The following TXNDC15 variants were observed in gnomAD, a reference collection of about 807,000 sequenced individuals.
TXNDC15 encodes the protein thioredoxin domain-containing protein 15.
A neutral mutation model predicts 35.0 loss-of-function variants in TXNDC15; 24 were observed. That is an observed-to-expected ratio of 0.68 (90% CI 0.50 to 0.96). The LOEUF (loss-of-function observed/expected upper bound fraction) is 0.96, where lower values mean the gene tolerates loss of function less well. Ranked by LOEUF, TXNDC15 falls within the 40% of genes least tolerant of loss-of-function variation. The pLI is 0.00. For synonymous variants in TXNDC15, 169 were observed against 174.0 expected, an observed-to-expected ratio of 0.97 and a Z score of 0.23; for missense variants, 385 against 453.3, an observed-to-expected ratio of 0.85 and a Z score of 1.37.
upstream of TXNDC15, chr5:134,874,210 T>A: frequency 3.8e-6 from 2 of 528,352 alleles, no homozygotes; most frequent in African/African-American, 2.0e-5. Context: ...ACCTGCAACG[T>A]CTGGCGCTTA....
intron 4 of TXNDC15, among the ~76,000 whole-genome samples, chr5:134,896,706 C>T (rs1340597535): frequency 4.7e-5 from 6 of 128,790 alleles, no homozygotes; most frequent in African/African-American, 1.2e-4. Flanking sequence ...TGCAGTGGTG[C>T]GATCTTGGCT....
intron 1 of TXNDC15, among the ~76,000 whole-genome samples, chr5:134,879,617 G>A (rs1322299539): frequency 2.6e-5 from 4 of 152,014 alleles, no homozygotes; most frequent in East Asian, 1.9e-4. Flanking sequence ...TAGAAATACC[G>A]CCAATGTGAT....
intron 1 of TXNDC15, among the ~76,000 whole-genome samples, chr5:134,881,195 A>ATTTATTTT (rs1750136459): frequency 1.5e-5 from 2 of 132,558 alleles, no homozygotes; most frequent in African/African-American, 5.7e-5. Flanking sequence ...TTATTTATTT[A>ATTTATTTT]TTTATTTTTT....
At chr5:134,898,937 C>T (rs1334151976) in intron 4 of TXNDC15, among the ~76,000 whole-genome samples, 1 of 152,036 alleles carries the variant, frequency 6.6e-6, no homozygotes, top group African/African-American at 2.4e-5. Context: ...ATTAGCCAGG[C>T]ATGGCGGTGT....
At chr5:134,896,226 A>T in intron 3 of TXNDC15, 68 bp from the exon 4 acceptor site, 2 of 1,531,934 alleles carry the variant, frequency 1.3e-6, no homozygotes, top group Non-Finnish European at 1.8e-6. Context: ...CTATTCTGAG[A>T]TGGTAATTGT....
At chr5:134,891,646 G>A (rs1033402109) in intron 2 of TXNDC15, among the ~76,000 whole-genome samples, 22 of 152,076 alleles carry the variant, frequency 1.4e-4, no homozygotes, top group African/African-American at 4.8e-4. Flanking sequence ...ATGAGCATTG[G>A]CCCTGTGGTT....
chr5:134,895,884 C>G (rs1391212503), intron 3 of TXNDC15: 1 of 182,730 alleles, frequency 5.5e-6, no homozygotes, highest in Non-Finnish European at 1.1e-5. Flanking sequence ...GCTTACCAAA[C>G]CAATTGCCTA....
chr5:134,896,532 CT>C, intron 4 of TXNDC15, 108 bp downstream of exon 4: 1 of 1,393,626 alleles, frequency 7.2e-7, no homozygotes. Context: ...TCAAGACTGA[CT>C]TTGAGTTGTA....
Position 134,896,393 on chromosome 5 carries a change from A to G in TXNDC15, c.855A>G (p.Glu285=). 1 of 1,613,698 alleles carries G rather than the reference A, an allele frequency of 6.2e-7. No homozygotes were observed. Among genetic ancestry groups the G allele is most frequent in the African/African-American group, 1.3e-5 (1 of 75,014 alleles). The change falls in exon 4 of 5, where the codon GAA becomes GAG. Residue 285 remains glutamate, a synonymous_variant. Transcript: ENST00000358387. ...TTAATCATACAGATCGAACACTGGA[A>G]ACACTGAAAATCTTCATTTTTAATC... The part of the protein sequence containing the change: ...ARFNHTDRTL[E]TLKIFIFNQT...
At chr5:134,893,406 A>G in intron 2 of TXNDC15, 86 bp from the exon 3 acceptor site, 1 of 1,533,196 alleles carries the variant, frequency 6.5e-7, no homozygotes, top group Non-Finnish European at 9.0e-7. Context: ...CTCTCCCTGG[A>G]GCAGCAGTGT....
Position 134,893,631 on chromosome 5 carries a change from C to T in TXNDC15, c.731C>T (p.Ala244Val). 6.2e-7 allele frequency: 1 copy of T among 1,614,176 alleles called. No homozygotes were observed. Among genetic ancestry groups the T allele is most frequent in the Non-Finnish European group, 8.5e-7 (1 of 1,180,032 alleles). The change falls in exon 3 of 5, where the codon GCA becomes GTA. Residue 244 changes from alanine (A) to valine (V), a missense_variant. Coordinates refer to ENST00000358387, the MANE Select transcript of TXNDC15 (RefSeq NM_024715.4). Reference sequence around the variant, plus strand: ...GCATTTCCAGCTCTTCACTTTTTGGCACTGGATGCATCTCAGCACAGCAGG... The same window carrying T: ...GCATTTCCAGCTCTTCACTTTTTGGTACTGGATGCATCTCAGCACAGCAGG... ...PRAFPALHFL[A>V]LDASQHSSLS... is the part of the protein sequence containing the mutation.
intron 4 of TXNDC15, among the ~76,000 whole-genome samples, chr5:134,898,686 A>T (rs1298474681): frequency 1.3e-5 from 2 of 152,206 alleles, no homozygotes; most frequent in Admixed American, 1.3e-4. Context: ...GCTCTAAGAA[A>T]ACCTAGAACA....
chr5:134,889,124 C>T (rs1296926368), intron 2 of TXNDC15, among the ~76,000 whole-genome samples: 3 of 152,246 alleles, frequency 2.0e-5, no homozygotes, highest in African/African-American at 4.8e-5. Context: ...CCTGTAGATG[C>T]TGTGGTCTGT....
chr5:134,886,259 C>G lies in TXNDC15; in HGVS notation c.104-1436C>G, dbSNP rs1254012108. Among the ~76,000 whole-genome samples, 3 of 152,306 alleles carry G rather than the reference C, an allele frequency of 2.0e-5. No homozygotes were observed. In the East Asian group the frequency reaches 5.8e-4, roughly 29 times the overall value. On this transcript the variant is annotated intron_variant, in intron 1 of 4. Coordinates refer to ENST00000358387, the MANE Select transcript of TXNDC15 (RefSeq NM_024715.4). ...TACAAATGTGCATACCTGAGGAAGC[C>G]CCCAGACCTTCCCAACTTTGAAGTC...
Position 134,899,466 on chromosome 5 carries a change from G to T in TXNDC15, c.887-23G>T, listed in dbSNP as rs1320307696. ...GGTGGGTGCTTTTTCTGCCTGATTTGAAACCAGTGATTTTTCTTTCAGGTA... is the reference window on the plus strand; with the variant it reads ...GGTGGGTGCTTTTTCTGCCTGATTTTAAACCAGTGATTTTTCTTTCAGGTA... On this transcript the variant is annotated intron_variant, in intron 4 of 4. Coordinates refer to ENST00000358387, the MANE Select transcript of TXNDC15 (RefSeq NM_024715.4). The T allele has an allele frequency of 2.5e-6, 4 of 1,601,226 alleles. No homozygotes were observed. In the South Asian group the frequency reaches 4.5e-5, roughly 18 times the overall value.
rs928798563 is a variant in TXNDC15, at chr5:134,899,849, G to C, written c.*164G>C. The C allele has an allele frequency of 4.7e-5, 27 of 579,638 alleles. No individual in the cohort carries two copies. The highest frequency in any genetic ancestry group is 6.9e-5 in the Non-Finnish European group (24 of 347,936). 35.9% of individuals were successfully genotyped at this position (579,638 alleles called of 1,614,324 possible). On this transcript the variant is annotated 3_prime_UTR_variant, in exon 5 of 5. Transcript: ENST00000358387. ...GAATGTATAAAAAAATTATAAACTGGTGTTTTAACTAGTATTGCAATAAGC... is the reference window on the plus strand; with the variant it reads ...GAATGTATAAAAAAATTATAAACTGCTGTTTTAACTAGTATTGCAATAAGC...
Position 134,877,047 on chromosome 5 carries a change from G to T in TXNDC15, c.103+2517G>T, listed in dbSNP as rs188941215. On this transcript the variant is annotated intron_variant, in intron 1 of 4. Transcript: ENST00000358387. Reference sequence around the variant, plus strand: ...ATTACTAAGAAAATTGCAAGACTGAGAAATGCATCAAGGAGAGTCCCAGGG... The same window carrying T: ...ATTACTAAGAAAATTGCAAGACTGATAAATGCATCAAGGAGAGTCCCAGGG... Among the ~76,000 whole-genome samples, 234 of 152,294 alleles carry T rather than the reference G, an allele frequency of 1.5e-3. 1 individual carries two copies. Among genetic ancestry groups the T allele is most frequent in the African/African-American group, 5.4e-3 (225 of 41,564 alleles).
chr5:134,886,366 A>C (rs1750275105), intron 1 of TXNDC15, among the ~76,000 whole-genome samples: 1 of 152,162 alleles, frequency 6.6e-6, no homozygotes, highest in Non-Finnish European at 1.5e-5. Flanking sequence ...CCACATGGTG[A>C]GCTTTCGTGA....
At chr5:134,881,950 C>T (rs1750157477) in intron 1 of TXNDC15, among the ~76,000 whole-genome samples, 1 of 149,978 alleles carries the variant, frequency 6.7e-6, no homozygotes, top group African/African-American at 2.5e-5. Flanking sequence ...GGGGCTGACC[C>T]CCCCACCTCC....
Sources: gnomAD v4.1 joint callset for allele counts (sites outside exome capture counted in the v4.1 genomes callset) on GRCh38, gnomAD v4.1.1 for gene constraint, MANE v1.5 for transcripts, NCBI Gene and HGNC (gene_info 2026-07-23, HGNC 2026-07-21) for gene names.